Variants in UBE2E2 observed in about 807,000 individuals in gnomAD.
UBE2E2 encodes ubiquitin conjugating enzyme E2 E2.
Under a neutral mutation model 24.7 loss-of-function variants are expected in UBE2E2, and 6 were observed. The observed-to-expected ratio is 0.24, with a 90% confidence interval of 0.13 to 0.48. The LOEUF is 0.48. UBE2E2 is among the 20% of genes least tolerant of loss of function. The pLI is 0.99. For missense variants in UBE2E2, 169 were observed against 245.0 expected, an observed-to-expected ratio of 0.69 and a Z score of 2.07; for synonymous variants, 104 against 83.6, an observed-to-expected ratio of 1.24 and a Z score of -1.33.
chr3:23,547,437 T>A (rs1695549520), intron 5 of UBE2E2, among the ~76,000 whole-genome samples: 1 of 152,254 alleles, frequency 6.6e-6, no homozygotes, highest in African/African-American at 2.4e-5. Flanking sequence ...TTTGAAATTC[T>A]TAAGTGCTAT....
chr3:23,326,764 G>A (rs1034353147), intron 3 of UBE2E2, among the ~76,000 whole-genome samples: 4 of 152,102 alleles, frequency 2.6e-5, no homozygotes, highest in Admixed American at 6.6e-5. Flanking sequence ...ATGTTGGTGC[G>A]CTGCACCCAT....
At chr3:23,379,152 A>T (rs926780844) in intron 3 of UBE2E2, among the ~76,000 whole-genome samples, 6 of 152,216 alleles carry the variant, frequency 3.9e-5, no homozygotes, top group African/African-American at 1.2e-4. Flanking sequence ...TTTAAAATAC[A>T]TAATTATGAA....
At chr3:23,263,867 A>T (rs956438956) in intron 3 of UBE2E2, among the ~76,000 whole-genome samples, 2 of 152,176 alleles carry the variant, frequency 1.3e-5, no homozygotes, top group African/African-American at 4.8e-5. Context: ...GAAACTGCAT[A>T]GGTCAGTTGT....
chr3:23,332,328 G>C (rs1695079382), intron 3 of UBE2E2, among the ~76,000 whole-genome samples: 1 of 151,996 alleles, frequency 6.6e-6, no homozygotes, highest in Admixed American at 6.6e-5. Flanking sequence ...ATTTTTAGTA[G>C]AGATGGGGCT....
intron 3 of UBE2E2, among the ~76,000 whole-genome samples, chr3:23,304,512 G>C (rs1699189357): frequency 6.6e-6 from 1 of 152,048 alleles, no homozygotes; most frequent in South Asian, 2.1e-4. Context: ...GAGTGGCCTT[G>C]TTTACAGTTT....
chr3:23,480,156 C>A (rs143463950), intron 3 of UBE2E2, among the ~76,000 whole-genome samples: 28 of 152,328 alleles, frequency 1.8e-4, no homozygotes, highest in South Asian at 6.2e-4. Flanking sequence ...CCCGCAGTGC[C>A]CCCGGCCTCC....
rs139047584 is a variant in UBE2E2 at position 23,465,189 on chromosome 3, TTAG to T, written c.228-34415_228-34413del. On this transcript the variant is annotated intron_variant, in intron 3 of 5. Coordinates refer to ENST00000396703, the MANE Select transcript of UBE2E2 (RefSeq NM_152653.4). ...CAACAATCCTTTGAGGTAGGTAATG[TTAG>T]TAGCTTCATTGAGGGAACTGAAGTA... is the stretch of plus-strand genomic sequence containing the variant. Among the ~76,000 whole-genome samples the T allele has an allele frequency of 5.6e-4, 85 of 152,340 alleles. 3 individuals are homozygous for T. In the East Asian group the frequency reaches 0.015, roughly 27 times the overall value.
chr3:23,533,468 C>T (rs1241852707), intron 5 of UBE2E2, among the ~76,000 whole-genome samples: 1 of 152,068 alleles, frequency 6.6e-6, no homozygotes, highest in African/African-American at 2.4e-5. Flanking sequence ...TCACTGGATA[C>T]ATGAAATTTT....
intron 1 of UBE2E2, among the ~76,000 whole-genome samples, chr3:23,206,289 TGAAA>T (rs1696144181): frequency 6.6e-6 from 1 of 151,628 alleles, no homozygotes; most frequent in Non-Finnish European, 1.5e-5. Flanking sequence ...ATATTTTAAC[TGAAA>T]GAAGGTGAAA....
intron 3 of UBE2E2, among the ~76,000 whole-genome samples, chr3:23,467,637 A>G (rs532424944): frequency 2.0e-5 from 3 of 152,306 alleles, no homozygotes; most frequent in Non-Finnish European, 2.9e-5. Context: ...TTTTCAGTCT[A>G]TAGCTGCACT....
intron 3 of UBE2E2, among the ~76,000 whole-genome samples, chr3:23,257,590 C>CT (rs570062366): frequency 3.4e-5 from 4 of 116,580 alleles, no homozygotes; most frequent in South Asian, 3.0e-4. Context: ...AGACTGGACT[C>CT]TAATTCCTAG....
intron 5 of UBE2E2, among the ~76,000 whole-genome samples, chr3:23,561,647 A>G (rs1291693167): frequency 2.0e-5 from 3 of 151,404 alleles, no homozygotes; most frequent in African/African-American, 4.9e-5. Flanking sequence ...CATTGAATCT[A>G]TAAATTACCT....
At chr3:23,236,791 G>A (rs1038502666) in intron 3 of UBE2E2, among the ~76,000 whole-genome samples, 46 of 152,078 alleles carry the variant, frequency 3.0e-4, no homozygotes, top group African/African-American at 1.1e-3. Flanking sequence ...TGTGTGGACC[G>A]CCTGTCTCTC....
chr3:23,216,242 G>A (rs1409381544), intron 2 of UBE2E2, among the ~76,000 whole-genome samples: 1 of 152,152 alleles, frequency 6.6e-6, no homozygotes, highest in Non-Finnish European at 1.5e-5. Flanking sequence ...GTAGCATGCA[G>A]TTCCTTCGGG....
At chr3:23,527,376 T>C (rs746383740) in intron 4 of UBE2E2, among the ~76,000 whole-genome samples, 6 of 152,216 alleles carry the variant, frequency 3.9e-5, no homozygotes, top group Non-Finnish European at 8.8e-5. Context: ...CATAGCAGCT[T>C]TATTTGTAAT....
intron 3 of UBE2E2, among the ~76,000 whole-genome samples, chr3:23,430,224 G>A (rs1474866328): frequency 3.9e-5 from 6 of 152,154 alleles, no homozygotes; most frequent in Non-Finnish European, 7.4e-5. Flanking sequence ...CTATAATAGC[G>A]CAGCTTATTC....
At chr3:23,467,270 AGT>A (rs1190536775) in intron 3 of UBE2E2, among the ~76,000 whole-genome samples, 2 of 152,188 alleles carry the variant, frequency 1.3e-5, no homozygotes, top group Non-Finnish European at 2.9e-5. Flanking sequence ...TGATCTTTTA[AGT>A]GTGTTTTTTA....
At chr3:23,512,852 C>T (rs1043976306) in intron 4 of UBE2E2, among the ~76,000 whole-genome samples, 11 of 152,016 alleles carry the variant, frequency 7.2e-5, no homozygotes, top group East Asian at 1.9e-4. Context: ...GGCCAATGCA[C>T]GAGAATTGCT....
intron 5 of UBE2E2, among the ~76,000 whole-genome samples, chr3:23,562,595 G>T (rs1187856828): frequency 6.6e-6 from 1 of 152,174 alleles, no homozygotes; most frequent in Non-Finnish European, 1.5e-5. Flanking sequence ...AAATGAGTTA[G>T]GGAGGATTCC....
Sources: allele counts gnomAD v4.1 joint callset (sites outside exome capture counted in the v4.1 genomes callset), GRCh38; gene constraint gnomAD v4.1.1; transcripts MANE v1.5; gene names NCBI Gene and HGNC (gene_info 2026-07-23, HGNC 2026-07-21).